Variants in TTC6 observed in about 807,000 individuals in gnomAD.
TTC6 encodes tetratricopeptide repeat domain 6.
In TTC6, 172 loss-of-function variants were observed where a neutral mutation model predicts 210.4. The observed-to-expected ratio is 0.82, with a 90% confidence interval of 0.72 to 0.93. TTC6 has a LOEUF of 0.93. Among genes scored for constraint, TTC6 ranks in the 40% least tolerant of loss-of-function variants. The pLI is 0.00. For synonymous variants in TTC6, 804 were observed against 819.6 expected, an observed-to-expected ratio of 0.98 and a Z score of 0.32; for missense variants, 2,414 against 2,318.1, an observed-to-expected ratio of 1.04 and a Z score of -0.85.
At chr14:37,597,736 T>C in intron 1 of TTC6, among the ~76,000 whole-genome samples, 1 of 152,070 alleles carries the variant, frequency 6.6e-6, no homozygotes, top group Non-Finnish European at 1.5e-5. Flanking sequence ...CAGCGCCTCC[T>C]GTCGTGGAGA....
chr14:37,597,918 T>A (rs1344223163), intron 1 of TTC6, among the ~76,000 whole-genome samples: 2 of 152,134 alleles, frequency 1.3e-5, no homozygotes, highest in African/African-American at 4.8e-5. Flanking sequence ...AGTGGCCGCA[T>A]TGCAAGATAC....
chr14:37,793,996 A>G (rs931672295), intron 17 of TTC6, among the ~76,000 whole-genome samples: 1 of 152,172 alleles, frequency 6.6e-6, no homozygotes, highest in East Asian at 1.9e-4. Flanking sequence ...ACAAGAATAT[A>G]TACTCCCATT....
At chr14:37,724,713 G>A (rs2095868246) in intron 6 of TTC6, among the ~76,000 whole-genome samples, 185 bp from the exon 9 acceptor site, 1 of 152,118 alleles carries the variant, frequency 6.6e-6, no homozygotes, top group African/African-American at 2.4e-5. Flanking sequence ...CTTAGCATCA[G>A]TTGGTAATGC....
chr14:37,826,543 C>T lies in TTC6; in HGVS notation c.5127+196C>T, dbSNP rs188213903. Among the ~76,000 whole-genome samples, 152 of 151,904 alleles carry T rather than the reference C, an allele frequency of 1.0e-3. 1 individual carries two copies. The highest frequency in any genetic ancestry group is 3.4e-3 in the Middle Eastern group (1 of 294). On this transcript the variant is annotated intron_variant, in intron 28 of 30. Transcript: ENST00000553443. ...ATTTTATAACTGAAATGCACTAAAA[C>T]CCCAAAGTTCTGATAAATGTTGATC...
chr14:37,793,452 G>A (rs2096085119), intron 17 of TTC6, among the ~76,000 whole-genome samples: 1 of 152,182 alleles, frequency 6.6e-6, no homozygotes, highest in African/African-American at 2.4e-5. Context: ...GGACTGCCTG[G>A]AGGCTCTGCC....
intron 7 of TTC6, among the ~76,000 whole-genome samples, chr14:37,725,308 GTGTGTATATATATA>G (rs1260798174): frequency 2.6e-4 from 19 of 73,412 alleles, no homozygotes; most frequent in Admixed American, 5.7e-4. Context: ...ATGTGTGTGT[GTGTGTATATATATA>G]TATATATATA....
At chr14:37,724,008 G>A (rs997223866) in intron 6 of TTC6, among the ~76,000 whole-genome samples, 1 of 151,206 alleles carries the variant, frequency 6.6e-6, no homozygotes, top group African/African-American at 2.4e-5. Context: ...ATACAGAAGA[G>A]TTTCACATCC....
At chr14:37,765,307 T>A (rs1264340362) in intron 14 of TTC6, among the ~76,000 whole-genome samples, 1 of 150,350 alleles carries the variant, frequency 6.7e-6, no homozygotes, top group East Asian at 2.0e-4. Flanking sequence ...GGACTATAGG[T>A]GCACACCACC....
chr14:37,720,671 T>G (rs1335923589), intron 6 of TTC6: 1 of 151,834 alleles, frequency 6.6e-6, no homozygotes, highest in African/African-American at 2.4e-5. Flanking sequence ...TAAAAAGGAA[T>G]TAACTATTCA....
chr14:37,838,908 G>A (rs1311948974), intron 29 of TTC6, among the ~76,000 whole-genome samples: 1 of 152,068 alleles, frequency 6.6e-6, no homozygotes, highest in Non-Finnish European at 1.5e-5. Flanking sequence ...GCGGTGTTTG[G>A]TTTTCTCTTC....
intron 24 of TTC6, among the ~76,000 whole-genome samples, chr14:37,809,582 G>C (rs1026340329): frequency 6.6e-6 from 1 of 152,136 alleles, no homozygotes; most frequent in Non-Finnish European, 1.5e-5. Flanking sequence ...ATATTAGCTA[G>C]AGCAGTTTGT....
chr14:37,623,843 A>G (rs1348310980), intron 1 of TTC6, among the ~76,000 whole-genome samples: 2 of 152,194 alleles, frequency 1.3e-5, no homozygotes, highest in African/African-American at 4.8e-5. Flanking sequence ...AGTTTAAGAT[A>G]TTTTGTCCAT....
chr14:37,690,849 A>T (rs2138613460), intron 3 of TTC6, among the ~76,000 whole-genome samples: 1 of 152,312 alleles, frequency 6.6e-6, no homozygotes, highest in South Asian at 2.1e-4. Context: ...CATCAGACTT[A>T]ATCTGCACTA....
chr14:37,739,121 G>A, exon 10 of TTC6: 2 of 1,522,372 alleles, frequency 1.3e-6, no homozygotes, highest in South Asian at 2.5e-5. Context: ...ATTCGTGCAT[G>A]AAGAGTTATC....
exon 18 of TTC6, chr14:37,795,351 A>C: frequency 6.6e-7 from 1 of 1,515,208 alleles, no homozygotes; most frequent in East Asian, 2.5e-5. Context: ...ATACATAAGA[A>C]GGTATGAGCA....
intron 1 of TTC6, among the ~76,000 whole-genome samples, chr14:37,645,301 G>A (rs1306010252): frequency 3.9e-5 from 6 of 152,180 alleles, no homozygotes; most frequent in Non-Finnish European, 8.8e-5. Context: ...GGTCCTACCT[G>A]CTCAATCCAG....
chr14:37,835,586 T>C (rs537653065), intron 29 of TTC6, among the ~76,000 whole-genome samples: 2 of 152,312 alleles, frequency 1.3e-5, no homozygotes, highest in Admixed American at 1.3e-4. Context: ...TATGTAATCC[T>C]ATCTATTGAT....
At chr14:37,729,810 T>C (rs1595163844) in intron 7 of TTC6, among the ~76,000 whole-genome samples, 1 of 152,200 alleles carries the variant, frequency 6.6e-6, no homozygotes, top group Non-Finnish European at 1.5e-5. Flanking sequence ...TTTTTTAAAC[T>C]ATATGTTTGT....
At chr14:37,817,635 G>T in exon 26 of TTC6, 2 of 1,613,976 alleles carry the variant, frequency 1.2e-6, no homozygotes, top group East Asian at 4.5e-5. Context: ...TCACGCCACT[G>T]CCATGTGCCA....
Sources: gnomAD v4.1 joint callset for allele counts (sites outside exome capture counted in the v4.1 genomes callset) on GRCh38, gnomAD v4.1.1 for gene constraint, MANE v1.5 for transcripts, NCBI Gene and HGNC (gene_info 2026-07-23, HGNC 2026-07-21) for gene names.